Variants in RNF19A observed in about 807,000 individuals in gnomAD.
RNF19A encodes E3 ubiquitin-protein ligase RNF19A.
Under a neutral mutation model 75.7 loss-of-function variants are expected in RNF19A, and 32 were observed. That is an observed-to-expected ratio of 0.42 (90% CI 0.32 to 0.57). RNF19A has a LOEUF of 0.57. RNF19A is among the 20% of genes least tolerant of loss of function. The probability of loss-of-function intolerance (pLI) is 0.10; values close to 1 mark genes in which losing one functional copy is unlikely to be tolerated. For synonymous variants in RNF19A, 335 were observed against 345.2 expected, an observed-to-expected ratio of 0.97 and a Z score of 0.33; for missense variants, 782 against 1,036.3, an observed-to-expected ratio of 0.75 and a Z score of 3.37.
chr8:100,290,345 G>A (rs1228353511), intron 1 of RNF19A, among the ~76,000 whole-genome samples: 4 of 152,082 alleles, frequency 2.6e-5, no homozygotes, highest in African/African-American at 4.8e-5. Flanking sequence ...CAAGTGATCC[G>A]CCCGCCTTGG....
rs188515636 is a variant in RNF19A, at chr8:100,322,844, A to G, written c.-242-9472T>C. Among the ~76,000 whole-genome samples the G allele has an allele frequency of 2.8e-3, 425 of 152,224 alleles. 1 individual carries two copies. Among genetic ancestry groups the G allele is most frequent in the Non-Finnish European group, 4.7e-3 (320 of 68,012 alleles). ...ATGGCTGGTCAGTGGAGTAGTCAGA[A>G]CACACACACACATTTATTAAGTTCA... On this transcript the variant is annotated intron_variant, in intron 1 of 3. Transcript: ENST00000519527. This position sits in a 1 kb window ranked among gnomAD's most constrained non-coding sequence, Gnocchi z 5.1.
At chr8:100,283,237 G>GGCCTTAGCCAACTGAAAC (rs1820866143) in intron 2 of RNF19A, among the ~76,000 whole-genome samples, 1 of 23,880 alleles carries the variant, frequency 4.2e-5, no homozygotes, top group Admixed American at 2.6e-4. Flanking sequence ...AACTGAAACA[G>GGCCTTAGCCAACTGAAAC]GTGATAGAAA....
intron 1 of RNF19A, among the ~76,000 whole-genome samples, chr8:100,294,081 T>C (rs1358341923): frequency 6.6e-6 from 1 of 152,252 alleles, no homozygotes; most frequent in East Asian, 1.9e-4. Flanking sequence ...CAGAGTCTGC[T>C]ACCTATTTTT....
chr8:100,303,619 G>A (rs79618493), intron 1 of RNF19A, among the ~76,000 whole-genome samples: 6,770 of 152,102 alleles, frequency 0.045, 457 homozygotes, highest in African/African-American at 0.14. Context: ...GATATTTAAC[G>A]TTTGTGCATA....
At position 100,275,964 on chromosome 8, in the gene RNF19A, A is replaced by T. The variant is rs557052463; in HGVS notation, c.675-803T>A. 4.0e-5 allele frequency among the ~76,000 whole-genome samples: 6 copies of T among 149,508 alleles called. No individual in the cohort carries two copies. The highest frequency in any genetic ancestry group is 1.5e-4 in the African/African-American group (6 of 39,212). The stretch of plus-strand genomic sequence containing the variant: ...TGGTGCCAATCTCCTGCCAAAAAAT[A>T]AAAAAAAACTGTTTTTTTTTCCTTC... On this transcript the variant is annotated intron_variant, in intron 2 of 9. Coordinates refer to ENST00000341084, the MANE Select transcript of RNF19A (RefSeq NM_183419.4). This position sits in a 1 kb window ranked among gnomAD's most constrained non-coding sequence, Gnocchi z 4.3.
At chr8:100,293,058 C>A (rs1821383327) in intron 1 of RNF19A, among the ~76,000 whole-genome samples, 1 of 152,152 alleles carries the variant, frequency 6.6e-6, no homozygotes, top group Non-Finnish European at 1.5e-5. Flanking sequence ...CCCTCGAGTG[C>A]AGTTCGCAAT....
chr8:100,292,743 C>T (rs912113217), intron 1 of RNF19A, among the ~76,000 whole-genome samples: 1 of 152,074 alleles, frequency 6.6e-6, no homozygotes, highest in Non-Finnish European at 1.5e-5. Flanking sequence ...TTCCTCCATG[C>T]CCCACCCCCT....
At chr8:100,308,508 G>A (rs1164518730) in intron 1 of RNF19A, among the ~76,000 whole-genome samples, 2 of 152,116 alleles carry the variant, frequency 1.3e-5, no homozygotes, top group Admixed American at 1.3e-4. Flanking sequence ...AGCAAAAACA[G>A]GCAAACAGGG....
At chr8:100,320,779 T>C (rs1240393575) in intron 1 of RNF19A, among the ~76,000 whole-genome samples, 1 of 152,200 alleles carries the variant, frequency 6.6e-6, no homozygotes, top group Non-Finnish European at 1.5e-5. Context: ...AAGGCATACC[T>C]TGAAGATATT....
chr8:100,259,405 C>G lies in RNF19A; in HGVS notation c.1827-159G>C, dbSNP rs1369109761. 1.6e-6 allele frequency: 1 copy of G among 618,224 alleles called. No individual in the cohort carries two copies. The highest frequency in any genetic ancestry group is 2.7e-5 in the East Asian group (1 of 36,446). 38.3% of individuals were successfully genotyped at this position (618,224 alleles called of 1,614,324 possible). A position where few individuals can be genotyped will look rare whatever the true frequency, so the allele number is the denominator to read the frequency against. On this transcript the variant is annotated intron_variant, in intron 9 of 9. Transcript: ENST00000341084. The surrounding 1 kb of genome is among the most constrained non-coding windows in gnomAD (Gnocchi z 4.5). ...TACTTAAAAAACATACTTGATATAA[C>G]AGAACTCTTTATAATGCTTCAATGT...
intron 3 of RNF19A, 63 bp from the exon 4 acceptor site, chr8:100,270,076 GT>G: frequency 7.4e-7 from 1 of 1,352,760 alleles, no homozygotes; most frequent in Non-Finnish European, 9.7e-7. Context: ...ACTTCTAGCA[GT>G]TTACCAATTG....
chr8:100,279,010 T>C (rs978843009), intron 2 of RNF19A, among the ~76,000 whole-genome samples: 2 of 152,132 alleles, frequency 1.3e-5, no homozygotes, highest in African/African-American at 4.8e-5. Context: ...TTCTCAATAA[T>C]TAAATTTTAA....
At chr8:100,280,776 A>C (rs1177892919) in intron 2 of RNF19A, among the ~76,000 whole-genome samples, 2 of 152,236 alleles carry the variant, frequency 1.3e-5, no homozygotes, top group African/African-American at 4.8e-5. Context: ...ATATCAAGGA[A>C]TTAAATGTAC....
At position 100,261,767 on chromosome 8, in the gene RNF19A, T is replaced by C. The variant is rs1373429040; in HGVS notation, c.1469-12A>G. 3 of 1,612,454 alleles carry C rather than the reference T, an allele frequency of 1.9e-6. No individual in the cohort carries two copies. Among genetic ancestry groups the C allele is most frequent in the East Asian group, 4.5e-5 (2 of 44,876 alleles). ...TACTGATGTTGTGTCTAAATGCAAA[T>C]ATTCCAAAGAAACTAAGTAAGTATG... On this transcript the variant is annotated splice_polypyrimidine_tract_variant and intron_variant, in intron 7 of 9. Transcript: ENST00000341084. This position sits in a 1 kb window ranked among gnomAD's most constrained non-coding sequence, Gnocchi z 4.4.
chr8:100,270,161 CA>C (rs1340995707), intron 3 of RNF19A, 148 bp from the exon 4 acceptor site: 59 of 520,332 alleles, frequency 1.1e-4, no homozygotes, highest in East Asian at 6.9e-4. Flanking sequence ...GTATATAAAG[CA>C]TTTTTTCTTC....
intron 1 of RNF19A, among the ~76,000 whole-genome samples, chr8:100,307,161 A>T (rs1822096310): frequency 2.0e-5 from 3 of 152,328 alleles, no homozygotes; most frequent in South Asian, 4.1e-4. Flanking sequence ...GTTCAGTACA[A>T]AACCAGCCTG....
chr8:100,264,315 G>A lies in RNF19A; in HGVS notation c.1307-120C>T, dbSNP rs1819868748. The A allele has an allele frequency of 2.1e-5, 18 of 877,976 alleles. 1 individual carries two copies. The South Asian group carries it at 3.4e-4, about 16-fold the overall frequency. 54.4% of individuals were successfully genotyped at this position (877,976 alleles called of 1,614,324 possible). ...GAGAAAAGCGCCAGGGTTCTGAAGA[G>A]TTGGCTGGAACATTTGCCAAAAGTA... On this transcript the variant is annotated intron_variant, in intron 6 of 9. Transcript: ENST00000341084. This position sits in a 1 kb window ranked among gnomAD's most constrained non-coding sequence, Gnocchi z 4.7.
intron 1 of RNF19A, among the ~76,000 whole-genome samples, chr8:100,315,754 C>T (rs189658903): frequency 1.4e-4 from 21 of 152,294 alleles, no homozygotes; most frequent in African/African-American, 5.1e-4. Flanking sequence ...AGCGATCCTC[C>T]CACCTCAGCC....
chr8:100,299,079 T>C (rs951070128), intron 1 of RNF19A, among the ~76,000 whole-genome samples: 2 of 152,222 alleles, frequency 1.3e-5, no homozygotes, highest in African/African-American at 4.8e-5. Flanking sequence ...AGACACATTT[T>C]GCTTACTGTG....
Sources: gnomAD v4.1 joint callset for allele counts (sites outside exome capture counted in the v4.1 genomes callset) on GRCh38, gnomAD v4.1.1 for gene constraint, Gnocchi (gnomAD v3.1) non-coding constraint, MANE v1.5 for transcripts, NCBI Gene and HGNC (gene_info 2026-07-23, HGNC 2026-07-21) for gene names.